Variants in VSX2 observed in about 807,000 individuals in gnomAD.
The protein encoded by VSX2 is ceh-10 homeo domain containing homolog.
A neutral mutation model predicts 32.1 loss-of-function variants in VSX2; 28 were observed. The observed-to-expected ratio is 0.87, with a 90% CI of 0.65 to 1.20. The LOEUF is 1.20. VSX2 is among the 50% of genes most tolerant of loss of function. The pLI is 0.00. For synonymous variants in VSX2, 243 were observed against 214.1 expected, an observed-to-expected ratio of 1.14 and a Z score of -1.18; for missense variants, 506 against 488.7, an observed-to-expected ratio of 1.04 and a Z score of -0.33.
Position 74,239,724 on chromosome 14 carries a change from G to T in VSX2, c.163G>T (p.Gly55Cys). 1 of 1,549,246 alleles carries T rather than the reference G, an allele frequency of 6.5e-7. No individual in the cohort carries two copies. The highest frequency in any genetic ancestry group is 8.7e-7 in the Non-Finnish European group (1 of 1,146,702). ...PSSHPRAALD[G>C]LAPGHLLAAR... is the part of the protein sequence containing the mutation. Reference sequence around the variant, plus strand: ...CTCCCACCCGCGGGCAGCGCTCGACGGCCTGGCCCCCGGGCACTTGCTGGC... The same window carrying T: ...CTCCCACCCGCGGGCAGCGCTCGACTGCCTGGCCCCCGGGCACTTGCTGGC... Residue 55 changes from glycine (G) to cysteine (C), a missense_variant, in exon 1 of 5, where the codon GGC becomes TGC. Coordinates refer to ENST00000261980, the MANE Select transcript of VSX2 (RefSeq NM_182894.3).
chr14:74,239,926 G>C lies in VSX2; in HGVS notation c.365G>C (p.Ser122Thr). ...SGPLDTSQTA[S>T]SDSEDVSSSD... ...CCGCTGGACACCAGCCAGACGGCCA[G>C]CTCGGGTAGGTGAGGAGAGGTTGCG... is the stretch of plus-strand genomic sequence containing the variant. The change falls in exon 1 of 5, where the codon AGC (serine) becomes ACC (threonine). Residue 122 changes from serine to threonine, a missense_variant. Ser to Thr is a moderately conservative substitution (Grantham distance 58). Coordinates refer to ENST00000261980, the MANE Select transcript of VSX2 (RefSeq NM_182894.3). The C allele has an allele frequency of 6.4e-7, 1 of 1,564,114 alleles. No individual in the cohort carries two copies. The highest frequency in any genetic ancestry group is 8.7e-7 in the Non-Finnish European group (1 of 1,155,332).
At chr14:74,250,799 C>G (rs888182638) in intron 3 of VSX2, among the ~76,000 whole-genome samples, 2 of 151,746 alleles carry the variant, frequency 1.3e-5, no homozygotes, top group African/African-American at 4.8e-5. Flanking sequence ...CAGGTGCGCA[C>G]CACCACGACT....
At chr14:74,245,325 C>G in intron 3 of VSX2, 37 bp downstream of exon 3, 1 of 1,612,178 alleles carries the variant, frequency 6.2e-7, no homozygotes, top group Non-Finnish European at 8.5e-7. Context: ...CCACTCTCCC[C>G]TCTCTCGGTG....
chr14:74,242,932 C>G (rs1172266847), intron 2 of VSX2, among the ~76,000 whole-genome samples: 3 of 152,150 alleles, frequency 2.0e-5, no homozygotes. Flanking sequence ...ATCTGTCACT[C>G]TCTTCGCCAG....
intron 3 of VSX2, among the ~76,000 whole-genome samples, chr14:74,248,901 C>T (rs1566885819): frequency 6.6e-6 from 1 of 152,126 alleles, no homozygotes; most frequent in African/African-American, 2.4e-5. Context: ...CTGAGTATTC[C>T]CCCACCACAA....
intron 3 of VSX2, among the ~76,000 whole-genome samples, chr14:74,247,470 G>T (rs1222541793): frequency 2.6e-5 from 4 of 152,194 alleles, no homozygotes; most frequent in African/African-American, 7.2e-5. Context: ...AGCATTCAGG[G>T]CAGTGCCTGG....
chr14:74,241,078 T>C (rs1022172966), intron 1 of VSX2, 104 bp from the exon 2 acceptor site: 1 of 1,194,610 alleles, frequency 8.4e-7, no homozygotes, highest in Non-Finnish European at 1.2e-6. Context: ...ACAGAGCAGG[T>C]CCCCGCCGCT....
chr14:74,244,816 G>A (rs1467721678), intron 2 of VSX2, among the ~76,000 whole-genome samples: 1 of 151,740 alleles, frequency 6.6e-6, no homozygotes, highest in African/African-American at 2.4e-5. Context: ...GAAGGGTAGT[G>A]TGAGCCCTCA....
intron 1 of VSX2, 85 bp from the exon 2 acceptor site, chr14:74,241,097 C>A: frequency 7.0e-7 from 1 of 1,437,220 alleles, no homozygotes; most frequent in Non-Finnish European, 9.7e-7. Flanking sequence ...CTCGCGGAGG[C>A]AGCCCGGGGT....
At chr14:74,240,073 G>T in intron 1 of VSX2, 142 bp downstream of exon 1, 1 of 1,136,752 alleles carries the variant, frequency 8.8e-7, no homozygotes, top group Non-Finnish European at 1.2e-6. Flanking sequence ...GCCTTGGGCC[G>T]ACGCGCCTGG....
chr14:74,258,391 G>C (rs530565042), intron 3 of VSX2, among the ~76,000 whole-genome samples: 9 of 152,260 alleles, frequency 5.9e-5, no homozygotes, highest in Admixed American at 4.6e-4. Flanking sequence ...TACCTCTGCC[G>C]CGGGGGAGGG....
chr14:74,249,507 T>A (rs1196133294), intron 3 of VSX2, among the ~76,000 whole-genome samples: 1 of 152,212 alleles, frequency 6.6e-6, no homozygotes, highest in Non-Finnish European at 1.5e-5. Flanking sequence ...TGACCTCAAA[T>A]GATGCACCCA....
chr14:74,245,156 T>G lies in VSX2; in HGVS notation c.456-9T>G. 6.2e-7 allele frequency: 1 copy of G among 1,613,438 alleles called. No individual in the cohort carries two copies. Among genetic ancestry groups the G allele is most frequent in the Non-Finnish European group, 8.5e-7 (1 of 1,179,792 alleles). On this transcript the variant is annotated splice_polypyrimidine_tract_variant and intron_variant, in intron 2 of 4. Coordinates refer to ENST00000261980, the MANE Select transcript of VSX2 (RefSeq NM_182894.3). ...TGGGGTCCTGAGTGTTCGGTCTTGC[T>G]CCCCTCAGGACAATCTTTACCTCCT...
At position 74,254,571 on chromosome 14, in the gene VSX2, T is replaced by C. The variant is rs117911029; in HGVS notation, c.580-5031T>C. The stretch of plus-strand genomic sequence containing the variant: ...TTCTTCCCCTCCTCCTGGACTGTTG[T>C]TATTATTATTTGTAAGTCCAGCCTT... On this transcript the variant is annotated intron_variant, in intron 3 of 4. Coordinates refer to ENST00000261980, the MANE Select transcript of VSX2 (RefSeq NM_182894.3). 2.0e-3 allele frequency among the ~76,000 whole-genome samples: 299 copies of C among 152,248 alleles called. 11 individuals carry two copies. In the East Asian group the frequency reaches 0.053, roughly 27 times the overall value.
At chr14:74,248,375 C>T (rs1594755611) in intron 3 of VSX2, among the ~76,000 whole-genome samples, 1 of 147,094 alleles carries the variant, frequency 6.8e-6, no homozygotes, top group East Asian at 2.1e-4. Context: ...AAACGAGACC[C>T]TGTCTTGGAA....
At chr14:74,248,361 C>CAAAAA (rs1491196982) in intron 3 of VSX2, among the ~76,000 whole-genome samples, 12 of 132,852 alleles carry the variant, frequency 9.0e-5, no homozygotes, top group South Asian at 2.4e-4. Flanking sequence ...ACAAAAAAAA[C>CAAAAA]CAAAAACGAG....
At chr14:74,254,938 C>A (rs190927473) in intron 3 of VSX2, among the ~76,000 whole-genome samples, 1,645 of 152,028 alleles carry the variant, frequency 0.011, 26 homozygotes, top group African/African-American at 0.037. Flanking sequence ...CCCCACCACA[C>A]CCGGCTAATT....
chr14:74,247,725 A>G (rs547258432), intron 3 of VSX2, among the ~76,000 whole-genome samples: 1 of 152,006 alleles, frequency 6.6e-6, no homozygotes, highest in African/African-American at 2.4e-5. Context: ...GGGGGAGCAT[A>G]GGTGATTTGA....
rs2079305927 is a variant in VSX2, at chr14:74,261,231, C to T, written c.*312C>T. On this transcript the variant is annotated 3_prime_UTR_variant, in exon 5 of 5. Transcript: ENST00000261980. ...GCTCACTGGTTTTGGCCACCCCTTG[C>T]TCTCTGTTCTCTTGCTTTAAAGAGT... The T allele has an allele frequency of 4.8e-6, 2 of 416,850 alleles. No individual in the cohort carries two copies. The highest frequency in any genetic ancestry group is 3.6e-5 in the Admixed American group (1 of 27,844). The allele number at this position is 416,850 out of a possible 1,614,324, so 25.8% of individuals were successfully genotyped here. A position where few individuals can be genotyped will look rare whatever the true frequency, so the allele number is the denominator to read the frequency against.
Sources: allele counts gnomAD v4.1 joint callset (sites outside exome capture counted in the v4.1 genomes callset), GRCh38; gene constraint gnomAD v4.1.1; transcripts MANE v1.5; gene names NCBI Gene and HGNC (gene_info 2026-07-23, HGNC 2026-07-21).